The following CSMD1 variants were observed in gnomAD, a reference collection of about 807,000 sequenced individuals.
The protein encoded by CSMD1 is CUB and Sushi multiple domains 1.
A neutral mutation model predicts 417.5 loss-of-function variants in CSMD1; 213 were observed. The observed-to-expected ratio is 0.51, with a 90% confidence interval of 0.46 to 0.57. The LOEUF is 0.57. CSMD1 is among the 20% of genes least tolerant of loss of function. The pLI is 0.00. For missense variants in CSMD1, 6,923 were observed against 4,529.7 expected (o/e 1.53, Z -15.17); for synonymous variants, 2,862 against 1,736.8 (o/e 1.65, Z -16.11).
chr8:3,774,528 G>T (rs73658255), intron 5 of CSMD1, among the ~76,000 whole-genome samples: 3 of 152,046 alleles, frequency 2.0e-5, no homozygotes, highest in African/African-American at 7.2e-5. Context: ...TACATGAATT[G>T]GTATTAATCT....
At chr8:3,442,957 C>G (rs1456788111) in intron 12 of CSMD1, among the ~76,000 whole-genome samples, 1 of 152,106 alleles carries the variant, frequency 6.6e-6, no homozygotes, top group Non-Finnish European at 1.5e-5. Context: ...TTTCTTTAAA[C>G]ATGGTTTTAT....
chr8:4,359,496 C>G (rs1262712507), intron 3 of CSMD1, among the ~76,000 whole-genome samples: 1 of 152,212 alleles, frequency 6.6e-6, no homozygotes, highest in East Asian at 1.9e-4. Context: ...CTCTTTGTCT[C>G]TTATAGACTT....
At chr8:3,474,388 T>G (rs927831944) in intron 11 of CSMD1, among the ~76,000 whole-genome samples, 1 of 152,152 alleles carries the variant, frequency 6.6e-6, no homozygotes, top group Admixed American at 6.5e-5. Flanking sequence ...GAGGTTTTCC[T>G]GACAATGTTT....
In CSMD1 at chr8:4,691,478, G is replaced by A. The variant is rs118150813; in HGVS notation, c.86-53920C>T. ...AATTTTATCATTGATGGAACTCTCC[G>A]CCTGTGAAGGTTATTTGTATTTTTC... On this transcript the variant is annotated intron_variant, in intron 1 of 69. Transcript: ENST00000635120. 5.2e-3 allele frequency among the ~76,000 whole-genome samples: 795 copies of A among 152,178 alleles called. 12 individuals carry two copies. Among genetic ancestry groups the A allele is most frequent in the Admixed American group, 0.036 (543 of 15,282 alleles).
intron 2 of CSMD1, among the ~76,000 whole-genome samples, chr8:4,469,930 T>C (rs1045694191): frequency 1.3e-5 from 2 of 151,088 alleles, no homozygotes; most frequent in Non-Finnish European, 3.0e-5. Flanking sequence ...TGCAGTGGTG[T>C]GATCTCGGCT....
rs1402022411 is a variant in CSMD1, at chr8:3,018,655, A to T, written c.7856-5T>A. 1 of 1,608,784 alleles carries T rather than the reference A, an allele frequency of 6.2e-7. No homozygotes were observed. Among genetic ancestry groups the T allele is most frequent in the Non-Finnish European group, 8.5e-7 (1 of 1,176,660 alleles). On this transcript the variant is annotated splice_region_variant and splice_polypyrimidine_tract_variant and intron_variant, in intron 51 of 69. Transcript: ENST00000635120. The stretch of plus-strand genomic sequence containing the variant: ...AAAGGCTTCCACACGAGATAACTAG[A>T]AGGAAAAACAATAAAATGAACATCA...
intron 3 of CSMD1, among the ~76,000 whole-genome samples, chr8:4,175,628 G>A (rs1310379108): frequency 6.6e-6 from 1 of 152,130 alleles, no homozygotes; most frequent in Non-Finnish European, 1.5e-5. Context: ...AGCATAATTT[G>A]TGATGGCAAA....
chr8:4,342,082 G>T (rs114139025), intron 3 of CSMD1, among the ~76,000 whole-genome samples: 4 of 151,990 alleles, frequency 2.6e-5, no homozygotes, highest in African/African-American at 4.8e-5. Context: ...TTCAAGTAGC[G>T]CAAGCCATCT....
In CSMD1 at chr8:4,638,350, C is replaced by T. The variant is rs570392725; in HGVS notation, c.86-792G>A. 2.3e-4 allele frequency among the ~76,000 whole-genome samples: 35 copies of T among 152,266 alleles called. No individual in the cohort carries two copies. In the South Asian group the frequency reaches 6.6e-3, roughly 29 times the overall value. On this transcript the variant is annotated intron_variant, in intron 1 of 69. Transcript: ENST00000635120. ...TAGTTAGAAAAAAACAAGGTCAATA[C>T]GCCAGTGATTGATCGGTGCCTGTGC...
chr8:3,835,745 A>G (rs1332347037), intron 5 of CSMD1, among the ~76,000 whole-genome samples: 1 of 150,682 alleles, frequency 6.6e-6, no homozygotes, highest in African/African-American at 2.4e-5. Flanking sequence ...AGAAATTTGG[A>G]TGGCTCCACC....
chr8:4,044,438 A>G (rs17068694), intron 3 of CSMD1, among the ~76,000 whole-genome samples: 4,969 of 152,222 alleles, frequency 0.033, 265 homozygotes, highest in African/African-American at 0.11. Flanking sequence ...ATTCTTTACC[A>G]TAAAAGCTGC....
chr8:3,488,037 T>G (rs1818157654), intron 11 of CSMD1, among the ~76,000 whole-genome samples: 2 of 147,588 alleles, frequency 1.4e-5, no homozygotes, highest in African/African-American at 5.1e-5. Flanking sequence ...TTAGAAGAGG[T>G]GACTTTTTTT....
At chr8:4,214,962 G>C (rs757409018) in intron 3 of CSMD1, among the ~76,000 whole-genome samples, 2 of 152,066 alleles carry the variant, frequency 1.3e-5, no homozygotes, top group Non-Finnish European at 2.9e-5. Context: ...CACTTCACGT[G>C]AGATACAGGC....
At chr8:4,772,910 G>C (rs1585075653) in intron 1 of CSMD1, among the ~76,000 whole-genome samples, 1 of 152,068 alleles carries the variant, frequency 6.6e-6, no homozygotes, top group Admixed American at 6.5e-5. Flanking sequence ...GTAAGAAATT[G>C]GGTTTCTTAC....
chr8:4,690,997 G>A (rs774618155), intron 1 of CSMD1, among the ~76,000 whole-genome samples: 1 of 152,164 alleles, frequency 6.6e-6, no homozygotes, highest in African/African-American at 2.4e-5. Context: ...AAAGTGCTGG[G>A]ATTACAGGCA....
At chr8:3,600,725 C>T (rs1801322479) in intron 8 of CSMD1, among the ~76,000 whole-genome samples, 2 of 152,178 alleles carry the variant, frequency 1.3e-5, no homozygotes, top group South Asian at 2.1e-4. Flanking sequence ...GGGATCCAGG[C>T]ACCCACCTCT....
intron 5 of CSMD1, among the ~76,000 whole-genome samples, chr8:3,969,168 T>C (rs560288534): frequency 3.7e-4 from 57 of 152,258 alleles, no homozygotes; most frequent in Admixed American, 9.8e-4. Flanking sequence ...GAGAATTGCT[T>C]GAACCTGGGA....
At chr8:4,324,380 G>T (rs1225574561) in intron 3 of CSMD1, among the ~76,000 whole-genome samples, 2 of 152,200 alleles carry the variant, frequency 1.3e-5, no homozygotes, top group Admixed American at 6.5e-5. Flanking sequence ...GACACCAGAG[G>T]TGGGGCAGGA....
At chr8:3,600,784 T>G (rs777787596) in intron 8 of CSMD1, among the ~76,000 whole-genome samples, 1 of 151,880 alleles carries the variant, frequency 6.6e-6, no homozygotes, top group South Asian at 2.1e-4. Context: ...TCATTGTTCT[T>G]CCATGAATGT....
Sources: allele counts gnomAD v4.1 joint callset (sites outside exome capture counted in the v4.1 genomes callset), GRCh38; gene constraint gnomAD v4.1.1; transcripts MANE v1.5; gene names NCBI Gene and HGNC (gene_info 2026-07-23, HGNC 2026-07-21).